SPP2: variants seen among roughly 807,000 people sequenced by gnomAD.
SPP2 encodes the protein secreted phosphoprotein 2.
In SPP2, 34 loss-of-function variants were observed where a neutral mutation model predicts 28.8. The ratio of observed to expected loss-of-function variants is 1.18; its 90% CI spans 0.90 to 1.57. SPP2 has a LOEUF of 1.57. Among genes scored for constraint, SPP2 ranks in the 40% most tolerant of loss-of-function variants. The pLI, the probability that SPP2 is intolerant of heterozygous loss-of-function variation, is 0.00. For missense variants in SPP2, 269 were observed against 263.9 expected, an observed-to-expected ratio of 1.02 and a Z score of -0.13; for synonymous variants, 96 against 89.4, an observed-to-expected ratio of 1.07 and a Z score of -0.42.
chr2:234,050,729 G>C lies in SPP2; in HGVS notation c.-58G>C, dbSNP rs767504323. On this transcript the variant is annotated 5_prime_UTR_variant, in exon 1 of 8. Transcript: ENST00000168148. ...TGTTTGATAAAGACAGCTCCTCTTA[G>C]GAAGAACTGTCATCCCCAAACACAT... is the stretch of plus-strand genomic sequence containing the variant. The C allele has an allele frequency of 6.8e-6, 10 of 1,472,638 alleles. No homozygotes were observed. Among genetic ancestry groups the C allele is most frequent in the Non-Finnish European group, 7.6e-6 (8 of 1,054,172 alleles). The allele number at this position is 1,472,638 out of a possible 1,614,324, so 91.2% of individuals were successfully genotyped here.
chr2:234,055,298 G>T (rs1390354898), intron 2 of SPP2, among the ~76,000 whole-genome samples: 1 of 152,236 alleles, frequency 6.6e-6, no homozygotes, highest in Admixed American at 6.5e-5. Flanking sequence ...TCCAAAGGCA[G>T]TCTGCTGGCA....
rs1693470990 is a variant in SPP2 at position 234,050,705 on chromosome 2, G to A, written c.-82G>A. 6 of 1,197,354 alleles carry A rather than the reference G, an allele frequency of 5.0e-6. No individual in the cohort carries two copies. Among genetic ancestry groups the A allele is most frequent in the African/African-American group, 1.5e-5 (1 of 66,592 alleles). 74.2% of individuals were successfully genotyped at this position (1,197,354 alleles called of 1,614,324 possible). On this transcript the variant is annotated 5_prime_UTR_variant, in exon 1 of 8. Transcript: ENST00000168148. Reference sequence around the variant, plus strand: ...GCTGCAGTCAAAATAAGCAGCCAGTGTTTGATAAAGACAGCTCCTCTTAGG... The same window carrying A: ...GCTGCAGTCAAAATAAGCAGCCAGTATTTGATAAAGACAGCTCCTCTTAGG...
chr2:234,061,928 G>A (rs1423020124), intron 4 of SPP2, among the ~76,000 whole-genome samples: 1 of 152,164 alleles, frequency 6.6e-6, no homozygotes, highest in Non-Finnish European at 1.5e-5. Flanking sequence ...GGGCTGGGGC[G>A]AGTACCATGG....
intron 2 of SPP2, among the ~76,000 whole-genome samples, chr2:234,058,159 C>A (rs1426841339): frequency 2.0e-5 from 3 of 152,152 alleles, no homozygotes; most frequent in African/African-American, 7.2e-5. Context: ...GTGACTCCTG[C>A]CTGAACAAAG....
At chr2:234,056,724 T>G (rs1693615480) in intron 2 of SPP2, among the ~76,000 whole-genome samples, 1 of 152,166 alleles carries the variant, frequency 6.6e-6, no homozygotes, top group Admixed American at 6.5e-5. Context: ...AATTTTTTAA[T>G]GAGACACAGA....
At chr2:234,067,332 T>C in intron 6 of SPP2, 58 bp downstream of exon 6, 3 of 1,472,100 alleles carry the variant, frequency 2.0e-6, no homozygotes, top group Non-Finnish European at 2.8e-6. Context: ...TCTGGACTCC[T>C]GAGAAATCCT....
intron 3 of SPP2, among the ~76,000 whole-genome samples, chr2:234,059,774 C>T (rs1263604066): frequency 6.6e-6 from 1 of 152,150 alleles, no homozygotes; most frequent in East Asian, 1.9e-4. Flanking sequence ...AGATTGGCAT[C>T]CAAGGTGGAA....
At chr2:234,065,597 T>A (rs1198374792) in intron 4 of SPP2, among the ~76,000 whole-genome samples, 1 of 152,190 alleles carries the variant, frequency 6.6e-6, no homozygotes, top group Middle Eastern at 3.2e-3. Context: ...GGTTTTAATT[T>A]ACATTTTTCT....
intron 4 of SPP2, among the ~76,000 whole-genome samples, chr2:234,060,814 G>A (rs1693707418): frequency 6.6e-6 from 1 of 151,826 alleles, no homozygotes; most frequent in South Asian, 2.1e-4. Flanking sequence ...CTGGGATTGG[G>A]AAATGGCCTT....
intron 2 of SPP2, among the ~76,000 whole-genome samples, chr2:234,058,536 C>T (rs546611515): frequency 6.6e-6 from 1 of 152,142 alleles, no homozygotes; most frequent in Non-Finnish European, 1.5e-5. Context: ...AATATGGAAT[C>T]CACAAACAGT....
chr2:234,070,107 A>G lies in SPP2; in HGVS notation c.*10+84A>G, dbSNP rs1693905416. On this transcript the variant is annotated intron_variant, in intron 7 of 7. Coordinates refer to ENST00000168148, the MANE Select transcript of SPP2 (RefSeq NM_006944.3). ...GCCTTAAAACTGCTGACCTTCAAAT[A>G]TCTGCAATATGCTATTCAAATCCTT... 8 of 1,043,016 alleles carry G rather than the reference A, an allele frequency of 7.7e-6. No homozygotes were observed. The South Asian group carries it at 7.7e-5, about 10-fold the overall frequency. The allele number at this position is 1,043,016 out of a possible 1,614,324, so 64.6% of individuals were successfully genotyped here.
At chr2:234,054,298 G>C (rs970043396) in intron 2 of SPP2, among the ~76,000 whole-genome samples, 1 of 152,182 alleles carries the variant, frequency 6.6e-6, no homozygotes, top group Non-Finnish European at 1.5e-5. Flanking sequence ...GACATGCCTA[G>C]GTCATGATTT....
intron 4 of SPP2, among the ~76,000 whole-genome samples, chr2:234,061,120 C>A (rs941255230): frequency 2.6e-5 from 4 of 152,096 alleles, no homozygotes; most frequent in Non-Finnish European, 5.9e-5. Flanking sequence ...GATGGCAGGA[C>A]CCTTATTTTT....
intron 7 of SPP2, among the ~76,000 whole-genome samples, chr2:234,071,262 T>C (rs1690774659): frequency 6.6e-6 from 1 of 152,360 alleles, no homozygotes; most frequent in African/African-American, 2.4e-5. Flanking sequence ...CTCAGGTTTA[T>C]CGTGAAACAT....
chr2:234,058,753 C>T, intron 2 of SPP2, 83 bp from the exon 3 acceptor site: 4 of 1,444,964 alleles, frequency 2.8e-6, no homozygotes, highest in Non-Finnish European at 3.7e-6. Context: ...TAATTTTTTT[C>T]TTATGGGGTA....
At chr2:234,055,430 T>G (rs4663350) in intron 2 of SPP2, among the ~76,000 whole-genome samples, 10,724 of 152,300 alleles carry the variant, frequency 0.07, 554 homozygotes, top group Admixed American at 0.15. Flanking sequence ...GATTTAAATA[T>G]TAATCCCATT....
intron 7 of SPP2, among the ~76,000 whole-genome samples, chr2:234,073,738 A>T (rs1690840063): frequency 6.6e-6 from 1 of 152,178 alleles, no homozygotes; most frequent in South Asian, 2.1e-4. Context: ...CCCAAACCAT[A>T]GCTGCATGAG....
intron 7 of SPP2, among the ~76,000 whole-genome samples, chr2:234,076,474 T>C (rs1295895253): frequency 1.3e-5 from 2 of 152,190 alleles, no homozygotes; most frequent in Non-Finnish European, 2.9e-5. Context: ...TTCACTAGGT[T>C]GTGGGAGGTT....
intron 7 of SPP2, among the ~76,000 whole-genome samples, chr2:234,073,573 T>C (rs1574838106): frequency 6.6e-6 from 1 of 152,188 alleles, no homozygotes; most frequent in African/African-American, 2.4e-5. Flanking sequence ...ACTCTGAATT[T>C]TTTTCTTATT....
Sources: gnomAD v4.1 joint callset for allele counts (sites outside exome capture counted in the v4.1 genomes callset) on GRCh38, gnomAD v4.1.1 for gene constraint, MANE v1.5 for transcripts, NCBI Gene and HGNC (gene_info 2026-07-23, HGNC 2026-07-21) for gene names.